The following EBI3 variants were observed in gnomAD, a reference collection of about 807,000 sequenced individuals.
EBI3 encodes Epstein-Barr virus induced 3, also known as interleukin-27 subunit beta.
In EBI3, 19 loss-of-function variants were observed where a neutral mutation model predicts 21.3. The ratio of observed to expected loss-of-function variants is 0.89; its 90% CI spans 0.62 to 1.31. The LOEUF is 1.31. EBI3 is among the 50% of genes most tolerant of loss of function. The pLI, the probability that EBI3 is intolerant of heterozygous loss-of-function variation, is 0.00. For synonymous variants in EBI3, 154 were observed against 131.2 expected, an observed-to-expected ratio of 1.17 and a Z score of -1.19; for missense variants, 331 against 314.0, an observed-to-expected ratio of 1.05 and a Z score of -0.41.
chr19:4,237,377 T>C lies in EBI3; in HGVS notation c.*289T>C, dbSNP rs1055761646. 8.8e-6 allele frequency: 2 copies of C among 227,354 alleles called. No homozygotes were observed. The highest frequency in any genetic ancestry group is 2.3e-5 in the African/African-American group (1 of 44,158). The allele number at this position is 227,354 out of a possible 1,614,324, so 14.1% of individuals were successfully genotyped here. A position where few individuals can be genotyped will look rare whatever the true frequency, so the allele number is the denominator to read the frequency against. ...TTTTTATTGTTTAATTAGAAAAGAA[T>C]TGTTGTTGGGCTGGGCGCAGTGGAT... On this transcript the variant is annotated 3_prime_UTR_variant, in exon 5 of 5. Transcript: ENST00000221847.
intron 4 of EBI3, among the ~76,000 whole-genome samples, chr19:4,236,518 C>CA (rs4009634): frequency 0.55 from 16,563 of 29,964 alleles, 6,567 homozygotes; most frequent in Non-Finnish European, 0.62. Context: ...AAGACTGTCT[C>CA]AAAAAAAAAA....
chr19:4,234,789 C>G lies in EBI3; in HGVS notation c.502C>G (p.Arg168Gly), dbSNP rs199852649. 6.2e-7 allele frequency: 1 copy of G among 1,614,034 alleles called. No homozygotes were observed. The highest frequency in any genetic ancestry group is 8.5e-7 in the Non-Finnish European group (1 of 1,179,982). Residue 168 changes from arginine to glycine, a missense_variant, in exon 4 of 5, where the codon CGT becomes GGT. Transcript: ENST00000221847. ...GATCTTCTCACTGAAGTACTGGATC[C>G]GTTACAAGCGTCAGGGAGCTGCGCG... ...PEIFSLKYWI[R>G]YKRQGAARFH...
chr19:4,229,640 TG>T (rs1599485894), intron 1 of EBI3, 23 bp downstream of exon 1: 6 of 1,588,530 alleles, frequency 3.8e-6, no homozygotes, highest in Middle Eastern at 1.7e-4. Flanking sequence ...CCTGGGGGAC[TG>T]GGGGGCCCAG....
intron 2 of EBI3, 65 bp from the exon 3 acceptor site, chr19:4,233,064 G>T: frequency 7.0e-7 from 1 of 1,419,532 alleles, no homozygotes; most frequent in Non-Finnish European, 9.2e-7. Flanking sequence ...GGTCAGGCCC[G>T]GCAGTAGGAG....
chr19:4,231,128 G>T (rs575154062), intron 1 of EBI3, 63 bp from the exon 2 acceptor site: 4 of 1,485,654 alleles, frequency 2.7e-6, no homozygotes, highest in Non-Finnish European at 3.6e-6. Context: ...GGAGCCCAGC[G>T]CACGGGAGGG....
rs746574519 is a variant in EBI3 at position 4,233,283 on chromosome 19, G to C, written c.355G>C (p.Val119Leu). 2 of 1,611,122 alleles carry C rather than the reference G, an allele frequency of 1.2e-6. No individual in the cohort carries two copies. Among genetic ancestry groups the C allele is most frequent in the South Asian group, 2.2e-5 (2 of 90,892 alleles). ...VHPWGSSSSF[V>L]PFITEHIIKP... is the part of the protein sequence containing the mutation. ...CCCCTGGGGCTCCAGCAGCAGCTTC[G>C]TGCCTTTCATAACAGAGCACATCAG... Residue 119 changes from valine (V) to leucine (L), a missense_variant, in exon 3 of 5, where the codon GTG becomes CTG. Physicochemically the swap from Val to Leu is conservative, Grantham distance 32. Transcript: ENST00000221847.
chr19:4,236,404 C>G (rs1189163871), intron 4 of EBI3, among the ~76,000 whole-genome samples: 1 of 150,776 alleles, frequency 6.6e-6, no homozygotes, highest in Non-Finnish European at 1.5e-5. Context: ...CGCCTGTAAT[C>G]CCAGCTATCT....
chr19:4,233,160 C>T lies in EBI3; in HGVS notation c.232C>T (p.Pro78Ser), dbSNP rs2144676319. 6.2e-7 allele frequency: 1 copy of T among 1,604,348 alleles called. No homozygotes were observed. Among genetic ancestry groups the T allele is most frequent in the South Asian group, 1.1e-5 (1 of 90,716 alleles). ...LGMAARGHSW[P>S]CLQQTPTSTS... ...CATGGCTGCCCGGGGCCACAGCTGGCCCTGCCTGCAGCAGACGCCAACGTC... is the reference window on the plus strand; with the variant it reads ...CATGGCTGCCCGGGGCCACAGCTGGTCCTGCCTGCAGCAGACGCCAACGTC... Residue 78 changes from proline to serine, a missense_variant, in exon 3 of 5, where the codon CCC (proline) becomes TCC (serine). Pro to Ser is a moderately conservative substitution (Grantham distance 74). Coordinates refer to ENST00000221847, the MANE Select transcript of EBI3 (RefSeq NM_005755.3).
At position 4,234,784 on chromosome 19, in the gene EBI3, G is replaced by A. The variant is rs1259994573; in HGVS notation, c.497G>A (p.Trp166Ter). The change falls in exon 4 of 5, where the codon TGG becomes TAG. Residue 166 changes from tryptophan (W) to a stop codon, truncating the protein, a stop_gained. Transcript: ENST00000221847. LOFTEE classifies it low-confidence loss of function (END_TRUNC). ...CCAGAGATCTTCTCACTGAAGTACT[G>A]GATCCGTTACAAGCGTCAGGGAGCT... ...PFPEIFSLKY[W>*]IRYKRQGAAR... 3 of 1,614,018 alleles carry A rather than the reference G, an allele frequency of 1.9e-6. No individual in the cohort carries two copies. Among genetic ancestry groups the A allele is most frequent in the African/African-American group, 2.7e-5 (2 of 74,922 alleles).
intron 2 of EBI3, 28 bp from the exon 3 acceptor site, chr19:4,233,101 G>A: frequency 6.5e-7 from 1 of 1,540,426 alleles, no homozygotes; most frequent in Non-Finnish European, 8.7e-7. Flanking sequence ...CACTCCCTGA[G>A]GCGCTCAGCG....
chr19:4,236,517 T>TCAAAA (rs1970838685), intron 4 of EBI3, among the ~76,000 whole-genome samples: 1 of 2,332 alleles, frequency 4.3e-4, no homozygotes, highest in Non-Finnish European at 7.6e-4. Context: ...TAAGACTGTC[T>TCAAAA]CAAAAAAAAA....
At position 4,237,116 on chromosome 19, in the gene EBI3, C is replaced by T. The variant is rs1278738211; in HGVS notation, c.*28C>T. 1 of 1,454,950 alleles carries T rather than the reference C, an allele frequency of 6.9e-7. No homozygotes were observed. Among genetic ancestry groups the T allele is most frequent in the Non-Finnish European group, 9.1e-7 (1 of 1,093,552 alleles). 90.1% of individuals were successfully genotyped at this position (1,454,950 alleles called of 1,614,324 possible). ...AGGGCTTCCCGCTGCCTCCAGACAG[C>T]ACCTGGGTCCTCGCCACCCTAAGCC... On this transcript the variant is annotated 3_prime_UTR_variant, in exon 5 of 5. Coordinates refer to ENST00000221847, the MANE Select transcript of EBI3 (RefSeq NM_005755.3).
At chr19:4,232,241 A>AAAAG (rs1322422323) in intron 2 of EBI3, among the ~76,000 whole-genome samples, 41 of 93,488 alleles carry the variant, frequency 4.4e-4, no homozygotes, top group Admixed American at 8.4e-4. Flanking sequence ...AAAAAAAAAA[A>AAAAG]AAAAGAAAAG....
Position 4,231,206 on chromosome 19 carries a change from T to C in EBI3, c.83T>C (p.Leu28Pro). 6.3e-7 allele frequency: 1 copy of C among 1,598,272 alleles called. No individual in the cohort carries two copies. The highest frequency in any genetic ancestry group is 8.5e-7 in the Non-Finnish European group (1 of 1,173,888). The change falls in exon 2 of 5, where the codon CTG becomes CCG. Residue 28 changes from leucine (L) to proline (P), a missense_variant. Coordinates refer to ENST00000221847, the MANE Select transcript of EBI3 (RefSeq NM_005755.3). ...CSGRKGPPAALTLPRVQCRAS... is the reference protein window; with the variant it reads ...CSGRKGPPAAPTLPRVQCRAS... Reference sequence around the variant, plus strand: ...CTTCCTCCAGGGCCCCCAGCAGCTCTGACACTGCCCCGGGTGCAATGCCGA... The same window carrying C: ...CTTCCTCCAGGGCCCCCAGCAGCTCCGACACTGCCCCGGGTGCAATGCCGA...
At position 4,231,134 on chromosome 19, in the gene EBI3, G is replaced by A; in HGVS notation, c.68-57G>A. 6 of 1,494,006 alleles carry A rather than the reference G, an allele frequency of 4.0e-6. No individual in the cohort carries two copies. The South Asian group carries it at 6.9e-5, about 17-fold the overall frequency. 92.5% of individuals were successfully genotyped at this position (1,494,006 alleles called of 1,614,324 possible). On this transcript the variant is annotated intron_variant, in intron 1 of 4. Transcript: ENST00000221847. ...AACGTGGCAGGAGCCCAGCGCACGG[G>A]AGGGCTATGACAATCTGGGGGTAAA...
chr19:4,233,002 C>T (rs955419264), intron 2 of EBI3, 127 bp from the exon 3 acceptor site: 3 of 1,154,670 alleles, frequency 2.6e-6, no homozygotes, highest in Non-Finnish European at 2.3e-6. Flanking sequence ...GACCCCACCC[C>T]GGGATCCCCA....
chr19:4,233,466 C>A (rs375461104), intron 3 of EBI3, among the ~76,000 whole-genome samples, 159 bp downstream of exon 3: 98 of 152,108 alleles, frequency 6.4e-4, no homozygotes, highest in East Asian at 6.0e-3. Flanking sequence ...ACGTGGAGCA[C>A]CCCCATCATT....
chr19:4,232,767 G>C (rs58370932), intron 2 of EBI3, among the ~76,000 whole-genome samples: 1 of 36,060 alleles, frequency 2.8e-5, no homozygotes, highest in South Asian at 1.0e-3. Flanking sequence ...AATGAATGAA[G>C]GAATGAATTA....
Position 4,231,312 on chromosome 19 carries a change from T to G in EBI3, c.189T>G (p.Ile63Met). ...ACTCCACCAGCCCCGTGTCCTTCAT[T>G]GCCACGTACAGGTCGGAGAGCCTGG... Reference protein sequence around the residue: ...APNSTSPVSFIATYRLGMAAR... With the variant: ...APNSTSPVSFMATYRLGMAAR... The change falls in exon 2 of 5, where the codon ATT (isoleucine) becomes ATG (methionine). Residue 63 changes from isoleucine to methionine, a missense_variant. Coordinates refer to ENST00000221847, the MANE Select transcript of EBI3 (RefSeq NM_005755.3). 1 of 1,610,588 alleles carries G rather than the reference T, an allele frequency of 6.2e-7. No individual in the cohort carries two copies.
Sources: gnomAD v4.1 joint callset for allele counts (sites outside exome capture counted in the v4.1 genomes callset) on GRCh38, gnomAD v4.1.1 for gene constraint, MANE v1.5 for transcripts, NCBI Gene and HGNC (gene_info 2026-07-23, HGNC 2026-07-21) for gene names.